LRP1: variants seen among roughly 807,000 people sequenced by gnomAD.
LRP1 encodes prolow-density lipoprotein receptor-related protein 1.
A neutral mutation model predicts 541.5 loss-of-function variants in LRP1; 51 were observed. The observed-to-expected ratio is 0.09, with a 90% CI of 0.08 to 0.12. The LOEUF (loss-of-function observed/expected upper bound fraction) is 0.12, where lower values mean the gene tolerates loss of function less well. Among genes scored for constraint, LRP1 ranks in the 10% least tolerant of loss-of-function variants. LRP1 has a pLI of 1.00. For missense variants in LRP1, 3,878 were observed against 6,376.2 expected (o/e 0.61, Z 13.34); for synonymous variants, 2,219 against 2,470.8 (o/e 0.90, Z 3.02).
chr12:57,200,826 G>GGGGGCGCC lies in LRP1; in HGVS notation c.10225+11_10225+12insGGGGCGCC. 4 of 1,581,412 alleles carry GGGGGCGCC rather than the reference G, an allele frequency of 2.5e-6. No homozygotes were observed. Among genetic ancestry groups the GGGGGCGCC allele is most frequent in the Non-Finnish European group, 3.5e-6 (4 of 1,157,656 alleles). ...ACGAGGCCAACTGTGGTAAGGCGCTGCCCGCCCACCCTCCCTCCTTCCCCA... is the reference window on the plus strand; with the variant it reads ...ACGAGGCCAACTGTGGTAAGGCGCTGGGGGCGCCCCCGCCCACCCTCCCTCCTTCCCCA... On this transcript the variant is annotated intron_variant, in intron 64 of 88. Coordinates refer to ENST00000243077, the MANE Select transcript of LRP1 (RefSeq NM_002332.3).
At chr12:57,151,886 G>A (rs576522250) in intron 6 of LRP1, among the ~76,000 whole-genome samples, 16 of 152,312 alleles carry the variant, frequency 1.1e-4, no homozygotes, top group Admixed American at 6.5e-5. Flanking sequence ...GGTGCAGGGG[G>A]TTGGATAACA....
Position 57,177,614 on chromosome 12 carries a change from GA to G in LRP1, c.4361+25del, listed in dbSNP as rs1425570486. 23 of 1,612,468 alleles carry G rather than the reference GA, an allele frequency of 1.4e-5. No homozygotes were observed. Among genetic ancestry groups the G allele is most frequent in the Non-Finnish European group, 1.8e-5 (21 of 1,179,444 alleles). ...CAGGTCAGCACCCTCTGTGCCCTGA[GA>G]AGGCCCAAGTCTGTGGCACCAGGAC... On this transcript the variant is annotated intron_variant, in intron 26 of 88. Transcript: ENST00000243077. The surrounding 1 kb of genome is among the most constrained non-coding windows in gnomAD (Gnocchi z 6.8).
Position 57,205,025 on chromosome 12 carries a change from G to C in LRP1, c.11195-84G>C, listed in dbSNP as rs1391637543. The C allele has an allele frequency of 2.6e-6, 4 of 1,519,720 alleles. No individual in the cohort carries two copies. Among genetic ancestry groups the C allele is most frequent in the Non-Finnish European group, 8.9e-7 (1 of 1,128,350 alleles). 94.1% of individuals were successfully genotyped at this position (1,519,720 alleles called of 1,614,324 possible). ...CTGCAAGCCTTGTCACTTAGGAATT[G>C]GGAGCCACTGTTATCTATGGGGTTG... On this transcript the variant is annotated intron_variant, in intron 72 of 88. Transcript: ENST00000243077. This position sits in a 1 kb window ranked among gnomAD's most constrained non-coding sequence, Gnocchi z 4.6.
chr12:57,199,746 T>C, intron 61 of LRP1, 131 bp from the exon 62 acceptor site: 2 of 1,119,460 alleles, frequency 1.8e-6, no homozygotes, highest in Non-Finnish European at 2.5e-6. Context: ...TCCTCTCCTA[T>C]CTCCAGCTTC....
At chr12:57,167,583 C>A (rs2035864924) in intron 19 of LRP1, 59 bp downstream of exon 19, 2 of 1,445,356 alleles carry the variant, frequency 1.4e-6, no homozygotes, top group African/African-American at 1.4e-5. Flanking sequence ...TACAGCCAGG[C>A]CCTCCAGGGA....
chr12:57,202,617 C>G (rs1239455182), intron 68 of LRP1, 80 bp downstream of exon 68: 1 of 1,183,548 alleles, frequency 8.4e-7, no homozygotes. Flanking sequence ...CCACAGGCCG[C>G]GCCAGAGCTG....
At chr12:57,169,821 G>C (rs1235104935) in intron 20 of LRP1, among the ~76,000 whole-genome samples, 2 of 152,224 alleles carry the variant, frequency 1.3e-5, no homozygotes, top group Non-Finnish European at 2.9e-5. Context: ...CCAGTGCCCT[G>C]GCCTCTGGGG....
In LRP1 at chr12:57,193,935, A is replaced by G; in HGVS notation, c.7841A>G (p.Asp2614Gly). The G allele has an allele frequency of 6.2e-7, 1 of 1,614,000 alleles. No homozygotes were observed. ...ACGVGEFRCR[D>G]GTCIGNSSRC... The stretch of plus-strand genomic sequence containing the variant: ...GGTGTGGGCGAGTTCCGCTGCCGGG[A>G]CGGGACCTGCATCGGGAACTCCAGC... Residue 2614 changes from aspartate (D) to glycine (G), a missense_variant, in exon 48 of 89, where the codon GAC becomes GGC. By Grantham distance (94) the Asp-to-Gly change is moderately conservative (BLOSUM62 -1). Around this residue, in one of 13 missense-constraint regions of LRP1, gnomAD observed 1,100 missense variants for 1,827.4 expected, o/e 0.60. Coordinates refer to ENST00000243077, the MANE Select transcript of LRP1 (RefSeq NM_002332.3).
Position 57,162,325 on chromosome 12 carries a change from T to C in LRP1, c.2211T>C (p.Tyr737=), listed in dbSNP as rs377564880. ...LLNGTDRKIV[Y]EGPELNHAFG... ...ATCCTCTCCATCCCTAGATTGTGTATGAAGGTCCTGAGCTGAACCACGCCT... is the reference window on the plus strand; with the variant it reads ...ATCCTCTCCATCCCTAGATTGTGTACGAAGGTCCTGAGCTGAACCACGCCT... The change falls in exon 14 of 89, where the codon TAT becomes TAC. Residue 737 remains tyrosine, a synonymous_variant. Coordinates refer to ENST00000243077, the MANE Select transcript of LRP1 (RefSeq NM_002332.3). This position sits in a 1 kb window ranked among gnomAD's most constrained non-coding sequence, Gnocchi z 5.2. 1.2e-6 allele frequency: 2 copies of C among 1,614,174 alleles called. No individual in the cohort carries two copies. Among genetic ancestry groups the C allele is most frequent in the African/African-American group, 1.3e-5 (1 of 75,054 alleles).
chr12:57,175,267 G>T (rs2036019637), intron 22 of LRP1, among the ~76,000 whole-genome samples, 193 bp from the exon 23 acceptor site: 1 of 152,178 alleles, frequency 6.6e-6, no homozygotes, highest in Non-Finnish European at 1.5e-5. Flanking sequence ...CCCAACTCTG[G>T]TCCTGAGGGA....
chr12:57,160,041 G>A, intron 12 of LRP1, 36 bp downstream of exon 12: 2 of 1,598,220 alleles, frequency 1.3e-6, no homozygotes, highest in Non-Finnish European at 8.6e-7. Context: ...GGAGGAGCTG[G>A]GAGTGTGTGG....
chr12:57,134,157 CA>C (rs1412776566), intron 1 of LRP1, among the ~76,000 whole-genome samples: 1 of 152,166 alleles, frequency 6.6e-6, no homozygotes. Context: ...GGGTGTTGGC[CA>C]AGTTAGCATG....
At chr12:57,182,285 C>T (rs977291916) in intron 34 of LRP1, among the ~76,000 whole-genome samples, 1 of 151,922 alleles carries the variant, frequency 6.6e-6, no homozygotes, top group African/African-American at 2.4e-5. Context: ...CTGAGGCCGG[C>T]CGATCACTTG....
At chr12:57,193,517 C>A (rs2036459682) in intron 46 of LRP1, 49 bp from the exon 47 acceptor site, 2 of 1,598,734 alleles carry the variant, frequency 1.3e-6, no homozygotes, top group Non-Finnish European at 1.7e-6. Flanking sequence ...GGGAGGCAGC[C>A]CTTTCCCTGT....
chr12:57,154,411 G>A lies in LRP1; in HGVS notation c.1004+41G>A. On this transcript the variant is annotated intron_variant, in intron 7 of 88. Coordinates refer to ENST00000243077, the MANE Select transcript of LRP1 (RefSeq NM_002332.3). This position sits in a 1 kb window ranked among gnomAD's most constrained non-coding sequence, Gnocchi z 4.6. Reference sequence around the variant, plus strand: ...GGGGTTCTGGCCCTGGAAGGTGGGAGGCTGAGGCTACAGTGGTAAGGAGGG... The same window carrying A: ...GGGGTTCTGGCCCTGGAAGGTGGGAAGCTGAGGCTACAGTGGTAAGGAGGG... The A allele has an allele frequency of 3.7e-6, 6 of 1,603,294 alleles. No homozygotes were observed. Among genetic ancestry groups the A allele is most frequent in the Non-Finnish European group, 5.1e-6 (6 of 1,171,870 alleles).
At chr12:57,161,503 T>TA (rs2035733029) in intron 13 of LRP1, among the ~76,000 whole-genome samples, 1 of 152,182 alleles carries the variant, frequency 6.6e-6, no homozygotes, top group Non-Finnish European at 1.5e-5. Flanking sequence ...GGCATATCTC[T>TA]ACACTTGGTC....
Position 57,196,178 on chromosome 12 carries a change from C to A in LRP1, c.8793C>A (p.Gly2931=). Reference sequence around the variant, plus strand: ...TCTGCAACGGCCAGGATGACTGTGGCGACAGCTCGGACGAGCGTGGCTGCC... The same window carrying A: ...TCTGCAACGGCCAGGATGACTGTGGAGACAGCTCGGACGAGCGTGGCTGCC... ...ALLCNGQDDC[G]DSSDERGCHI... The change falls in exon 55 of 89, where the codon GGC becomes GGA. Residue 2931 remains glycine, a synonymous_variant. Transcript: ENST00000243077. 6.2e-7 allele frequency: 1 copy of A among 1,612,828 alleles called. No homozygotes were observed. Among genetic ancestry groups the A allele is most frequent in the Admixed American group, 1.7e-5 (1 of 60,002 alleles).
At chr12:57,161,198 T>G in intron 13 of LRP1, 83 bp downstream of exon 13, 1 of 1,308,806 alleles carries the variant, frequency 7.6e-7, no homozygotes. Flanking sequence ...TGTGTGAGTA[T>G]GTGGGTATCT....
chr12:57,157,286 T>G (rs2035640511), intron 10 of LRP1, among the ~76,000 whole-genome samples: 1 of 152,056 alleles, frequency 6.6e-6, no homozygotes, highest in South Asian at 2.1e-4. Context: ...AAATGTAACT[T>G]TAGGTGGTAA....
Sources: gnomAD v4.1 joint callset for allele counts (sites outside exome capture counted in the v4.1 genomes callset) on GRCh38, gnomAD v4.1.1 for gene constraint, gnomAD v4.1.1 regional missense constraint, Gnocchi (gnomAD v3.1) non-coding constraint, MANE v1.5 for transcripts, NCBI Gene and HGNC (gene_info 2026-07-23, HGNC 2026-07-21) for gene names.